Variants in KIFC3 observed in about 807,000 individuals in gnomAD.
The protein encoded by KIFC3 is kinesin-like protein KIFC3.
A neutral mutation model predicts 101.8 loss-of-function variants in KIFC3; 60 were observed. That is an observed-to-expected ratio of 0.59 (90% CI 0.48 to 0.73). The LOEUF (loss-of-function observed/expected upper bound fraction) is 0.73, where lower values mean the gene tolerates loss of function less well. Ranked by LOEUF, KIFC3 falls within the 30% of genes least tolerant of loss-of-function variation. KIFC3 has a pLI of 0.00. For synonymous variants in KIFC3, 476 were observed against 482.7 expected (o/e 0.99, Z 0.18); for missense variants, 966 against 1,137.1 (o/e 0.85, Z 2.16).
chr16:57,798,632 C>CACCTCCCCT, intron 1 of KIFC3: 1 of 374,846 alleles, frequency 2.7e-6, no homozygotes, highest in East Asian at 6.3e-5. Context: ...GCAGCATCTC[C>CACCTCCCCT]GTAAGTCTAA....
At chr16:57,814,679 G>A (rs557826758) in intron 1 of KIFC3, among the ~76,000 whole-genome samples, 2 of 151,958 alleles carry the variant, frequency 1.3e-5, no homozygotes, top group Admixed American at 6.6e-5. Flanking sequence ...AGGCTGGAGT[G>A]CAGTGGTGCG....
upstream of KIFC3, chr16:57,802,776 C>T: frequency 6.7e-6 from 5 of 746,798 alleles, no homozygotes; most frequent in Non-Finnish European, 1.1e-5. This position sits in a 1 kb window ranked among gnomAD's most constrained non-coding sequence, Gnocchi z 5.0. Context: ...AACAGGCCTG[C>T]ACACGGGCTG....
At chr16:57,834,097 C>T (rs2055639906) in intron 1 of KIFC3, among the ~76,000 whole-genome samples, 1 of 152,072 alleles carries the variant, frequency 6.6e-6, no homozygotes, top group African/African-American at 2.4e-5. Flanking sequence ...CTCCTGACCT[C>T]ATGATCTGCC....
chr16:57,813,004 C>T (rs2055128670), intron 1 of KIFC3, among the ~76,000 whole-genome samples: 1 of 152,174 alleles, frequency 6.6e-6, no homozygotes, highest in Non-Finnish European at 1.5e-5. Context: ...GCTCATTCCA[C>T]TTGTACTGTT....
At chr16:57,792,802 C>A (rs2053980882) in intron 3 of KIFC3, among the ~76,000 whole-genome samples, 1 of 125,180 alleles carries the variant, frequency 8.0e-6, no homozygotes, top group Non-Finnish European at 1.6e-5. Flanking sequence ...GATGACTTGG[C>A]TGGAGGTTGC....
At chr16:57,851,729 G>A (rs1298031131) in intron 1 of KIFC3, among the ~76,000 whole-genome samples, 1 of 143,298 alleles carries the variant, frequency 7.0e-6, no homozygotes, top group African/African-American at 2.6e-5. Flanking sequence ...ACCACACCCG[G>A]CTAATTTTTG....
chr16:57,765,505 G>A lies in KIFC3; in HGVS notation c.1466C>T (p.Ser489Phe), dbSNP rs1555601948. Residue 489 changes from serine (S) to phenylalanine (F), a missense_variant, in exon 11 of 20, where the codon TCC becomes TTC. By Grantham distance (155) the Ser-to-Phe change is radical. Coordinates refer to ENST00000445690, the MANE Select transcript of KIFC3 (RefSeq NM_001130100.2). Reference sequence around the variant, plus strand: ...GGAGAAGACCTTGTCCAGCTCGAAGGACACAGGCTTGCCCTTGTGCAGCAG... The same window carrying A: ...GGAGAAGACCTTGTCCAGCTCGAAGAACACAGGCTTGCCCTTGTGCAGCAG... ...IHLLHKGKPV[S>F]FELDKVFSPQ... is the part of the protein sequence containing the mutation. 2 of 1,591,260 alleles carry A rather than the reference G, an allele frequency of 1.3e-6. No homozygotes were observed. Among genetic ancestry groups the A allele is most frequent in the Non-Finnish European group, 8.6e-7 (1 of 1,167,890 alleles).
chr16:57,839,506 C>T (rs1292635288), intron 1 of KIFC3, among the ~76,000 whole-genome samples: 4 of 152,166 alleles, frequency 2.6e-5, no homozygotes, highest in Admixed American at 2.0e-4. Context: ...TCCCACTGCA[C>T]TCCAGCCTCG....
At chr16:57,850,549 C>T (rs2149326923) in intron 1 of KIFC3, among the ~76,000 whole-genome samples, 1 of 130,588 alleles carries the variant, frequency 7.7e-6, no homozygotes. Flanking sequence ...TATCTCAGCT[C>T]ACTAAAACCT....
rs190379333 is a variant in KIFC3 at position 57,849,785 on chromosome 16, C to T, written c.108+12944G>A. ...GGGTGTGGTGGTGTGTGCCTGTAAT[C>T]CCAGCTACTTGGGAGGCTGAGGCAG... On this transcript the variant is annotated intron_variant, in intron 1 of 2. Coordinates refer to the KIFC3 transcript ENST00000563028. Among the ~76,000 whole-genome samples the T allele has an allele frequency of 5.4e-3, 818 of 152,216 alleles. 20 individuals are homozygous for T. The highest frequency in any genetic ancestry group is 0.043 in the South Asian group (207 of 4,824).
intron 3 of KIFC3, among the ~76,000 whole-genome samples, chr16:57,787,728 C>A (rs1555618410): frequency 6.6e-6 from 1 of 152,138 alleles, no homozygotes; most frequent in Non-Finnish European, 1.5e-5. Context: ...GCTGGCCTGC[C>A]CACACTCAGC....
intron 3 of KIFC3, among the ~76,000 whole-genome samples, chr16:57,791,300 G>A (rs543179949): frequency 3.3e-4 from 51 of 152,294 alleles, no homozygotes; most frequent in Middle Eastern, 3.4e-3. Context: ...ACACCATCGC[G>A]AGCAGGCTTG....
chr16:57,807,104 C>T (rs2054954202), upstream of KIFC3, among the ~76,000 whole-genome samples: 1 of 151,876 alleles, frequency 6.6e-6, no homozygotes, highest in Non-Finnish European at 1.5e-5. Flanking sequence ...GTAATCCCAG[C>T]TACTTAGGAG....
intron 1 of KIFC3, among the ~76,000 whole-genome samples, chr16:57,840,163 C>T (rs1426832669): frequency 3.3e-5 from 5 of 151,906 alleles, no homozygotes; most frequent in African/African-American, 1.2e-4. Flanking sequence ...CATAGCAAAA[C>T]CTCGTCTCTA....
chr16:57,769,581 C>T lies in KIFC3; in HGVS notation c.1218+14G>A. On this transcript the variant is annotated intron_variant, in intron 9 of 19. Transcript: ENST00000445690. The surrounding 1 kb of genome is among the most constrained non-coding windows in gnomAD (Gnocchi z 4.3). ...CCCTTAGCCTGGACCCTCCCACCCA[C>T]TGCCCTCGCTCACCTCGGCCTTGAC... 4 of 1,605,138 alleles carry T rather than the reference C, an allele frequency of 2.5e-6. No homozygotes were observed. Among genetic ancestry groups the T allele is most frequent in the Non-Finnish European group, 3.4e-6 (4 of 1,177,334 alleles).
chr16:57,797,463 C>T (rs903794279), intron 2 of KIFC3, among the ~76,000 whole-genome samples: 1 of 152,148 alleles, frequency 6.6e-6, no homozygotes, highest in Admixed American at 6.5e-5. Context: ...GGGACATGAC[C>T]CAGAAAGGCG....
chr16:57,845,257 C>A (rs2055893253), intron 1 of KIFC3, among the ~76,000 whole-genome samples: 1 of 152,154 alleles, frequency 6.6e-6, no homozygotes, highest in South Asian at 2.1e-4. Context: ...CAAATATTAT[C>A]CAGAATCTGT....
Position 57,762,145 on chromosome 16 carries a change from G to A in KIFC3, c.1743C>T (p.Val581=). The part of the protein sequence containing the change: ...TVSAAEIYNE[V]LRDLLGKEPQ... ...GCACACCCTGGGGCTCCCACCTGAG[G>A]ACCTCATTGTAGATCTCCGCAGCGC... Residue 581 remains valine, a synonymous_variant, in exon 13 of 20, where the codon GTC becomes GTT. Transcript: ENST00000445690. The A allele has an allele frequency of 6.3e-7, 1 of 1,598,930 alleles. No homozygotes were observed. Among genetic ancestry groups the A allele is most frequent in the Non-Finnish European group, 8.5e-7 (1 of 1,171,486 alleles).
Position 57,857,249 on chromosome 16 carries a change from C to T in KIFC3, c.108+5480G>A, listed in dbSNP as rs543518394. Among the ~76,000 whole-genome samples, 7 of 152,188 alleles carry T rather than the reference C, an allele frequency of 4.6e-5. No individual in the cohort carries two copies. The South Asian group carries it at 1.2e-3, about 27-fold the overall frequency. ...AAGAGTAAACGTGAAGGTCAGGAATCGCCATACCTTAGATACTGGCTTCTT... is the reference window on the plus strand; with the variant it reads ...AAGAGTAAACGTGAAGGTCAGGAATTGCCATACCTTAGATACTGGCTTCTT... On this transcript the variant is annotated intron_variant, in intron 1 of 2. Transcript: ENST00000563028.
Sources: allele counts gnomAD v4.1 joint callset (sites outside exome capture counted in the v4.1 genomes callset), GRCh38; gene constraint gnomAD v4.1.1; non-coding constraint Gnocchi (gnomAD v3.1); transcripts MANE v1.5; gene names NCBI Gene and HGNC (gene_info 2026-07-23, HGNC 2026-07-21).